RALY: variants seen among roughly 807,000 people sequenced by gnomAD.
The protein encoded by RALY is RALY heterogeneous nuclear ribonucleoprotein.
In RALY, 15 loss-of-function variants were observed where a neutral mutation model predicts 30.7. The ratio of observed to expected loss-of-function variants is 0.49; its 90% CI spans 0.33 to 0.75. The LOEUF (loss-of-function observed/expected upper bound fraction) is 0.75. RALY is among the 30% of genes least tolerant of loss of function. The pLI is 0.02. For synonymous variants in RALY, 177 were observed against 170.8 expected, an observed-to-expected ratio of 1.04 and a Z score of -0.28; for missense variants, 339 against 414.3, an observed-to-expected ratio of 0.82 and a Z score of 1.58.
intron 2 of RALY, among the ~76,000 whole-genome samples, chr20:34,061,432 T>C (rs1347660840): frequency 6.6e-6 from 1 of 152,260 alleles, no homozygotes; most frequent in African/African-American, 2.4e-5. Flanking sequence ...CTTCATGTTT[T>C]CTTTGCTTTG....
chr20:34,023,797 C>T (rs1280983642), intron 1 of RALY, among the ~76,000 whole-genome samples: 1 of 152,002 alleles, frequency 6.6e-6, no homozygotes, highest in Non-Finnish European at 1.5e-5. Flanking sequence ...GGCCACCTCT[C>T]ACCTCACTCA....
intron 2 of RALY, among the ~76,000 whole-genome samples, chr20:34,064,646 C>G (rs570639938): frequency 6.6e-6 from 1 of 152,306 alleles, no homozygotes; most frequent in African/African-American, 2.4e-5. Context: ...CTCCCTTACT[C>G]TCAGGCAAAG....
chr20:33,997,012 C>A (rs968717886), intron 1 of RALY, among the ~76,000 whole-genome samples: 1 of 152,194 alleles, frequency 6.6e-6, no homozygotes, highest in Non-Finnish European at 1.5e-5. Flanking sequence ...GAACCCAGGC[C>A]TCTCTGAGTA....
chr20:34,030,363 A>G (rs2032222930), intron 1 of RALY, among the ~76,000 whole-genome samples: 1 of 152,218 alleles, frequency 6.6e-6, no homozygotes, highest in Admixed American at 6.5e-5. Flanking sequence ...AATACAAATA[A>G]AAGGTTTACA....
chr20:34,013,846 A>G (rs978220498), intron 1 of RALY, among the ~76,000 whole-genome samples: 7 of 152,188 alleles, frequency 4.6e-5, no homozygotes, highest in Non-Finnish European at 4.4e-5. Flanking sequence ...TACTTACAAA[A>G]TGAATGATGG....
intron 1 of RALY, among the ~76,000 whole-genome samples, chr20:34,030,203 C>T (rs1448276588): frequency 6.6e-6 from 1 of 152,190 alleles, no homozygotes; most frequent in Non-Finnish European, 1.5e-5. Context: ...AGGGCAAGCC[C>T]TGGAGTTGGA....
chr20:34,053,644 G>C (rs750849659), intron 2 of RALY, among the ~76,000 whole-genome samples: 1 of 152,046 alleles, frequency 6.6e-6, no homozygotes, highest in Non-Finnish European at 1.5e-5. Context: ...CAGTCCTCCT[G>C]CTTTGGCCTC....
chr20:34,019,391 G>A (rs1040611369), intron 1 of RALY, among the ~76,000 whole-genome samples: 2 of 152,052 alleles, frequency 1.3e-5, no homozygotes, highest in Non-Finnish European at 2.9e-5. Context: ...CTCAGCACAG[G>A]TGAGAGCAAC....
chr20:34,060,279 A>T (rs1262282640), intron 2 of RALY, among the ~76,000 whole-genome samples: 1 of 152,242 alleles, frequency 6.6e-6, no homozygotes, highest in African/African-American at 2.4e-5. Context: ...GTAAGTTGAA[A>T]ATCCAAAATT....
chr20:34,020,048 A>G (rs4911143), intron 1 of RALY, among the ~76,000 whole-genome samples: 112,064 of 151,350 alleles, frequency 0.74, 41,929 homozygotes, highest in South Asian at 0.85. Flanking sequence ...GCAACAGAGC[A>G]AGACTCTGTC....
At chr20:34,056,002 G>C (rs1285704726) in intron 2 of RALY, among the ~76,000 whole-genome samples, 1 of 152,180 alleles carries the variant, frequency 6.6e-6, no homozygotes, top group Non-Finnish European at 1.5e-5. Flanking sequence ...TGGTGGTTCA[G>C]ATGCTCAGAA....
intron 2 of RALY, among the ~76,000 whole-genome samples, chr20:34,066,985 C>A (rs1276157392): frequency 2.0e-5 from 3 of 152,176 alleles, no homozygotes; most frequent in African/African-American, 7.2e-5. Context: ...AAGTCAGAAC[C>A]CAAGGCATCC....
chr20:34,070,957 G>A lies in RALY; in HGVS notation c.-9-1109G>A, dbSNP rs745466673. On this transcript the variant is annotated intron_variant, in intron 2 of 9. Transcript: ENST00000246194. The stretch of plus-strand genomic sequence containing the variant: ...CAGGAAATTTACAATCATAGTGGAA[G>A]GCGACGGGGAAGTAGACACGTCTTC... Among the ~76,000 whole-genome samples, 29 of 152,268 alleles carry A rather than the reference G, an allele frequency of 1.9e-4. No homozygotes were observed. In the South Asian group the frequency reaches 2.1e-3, roughly 11 times the overall value.
intron 2 of RALY, among the ~76,000 whole-genome samples, chr20:34,053,233 C>T (rs1303192962): frequency 6.6e-6 from 1 of 151,734 alleles, no homozygotes; most frequent in Non-Finnish European, 1.5e-5. Context: ...AACACAATCC[C>T]GTGACATAGA....
At chr20:34,076,136 C>G in intron 6 of RALY, 96 bp downstream of exon 6, 1 of 1,393,560 alleles carries the variant, frequency 7.2e-7, no homozygotes, top group Non-Finnish European at 9.8e-7. Context: ...GATAAAACAA[C>G]AAGTCTTCCA....
At chr20:34,021,341 T>G (rs1448025226) in intron 1 of RALY, among the ~76,000 whole-genome samples, 1 of 152,202 alleles carries the variant, frequency 6.6e-6, no homozygotes, top group African/African-American at 2.4e-5. Flanking sequence ...AATAGAAGTT[T>G]GTTTGGCTCA....
At chr20:34,063,912 C>A (rs1672990626) in intron 2 of RALY, among the ~76,000 whole-genome samples, 1 of 152,038 alleles carries the variant, frequency 6.6e-6, no homozygotes, top group African/African-American at 2.4e-5. Flanking sequence ...AGTAGACCAT[C>A]TCAGGGCACG....
chr20:34,077,414 C>T (rs2033924179), intron 8 of RALY, 169 bp downstream of exon 8: 2 of 1,444,362 alleles, frequency 1.4e-6, no homozygotes, highest in South Asian at 2.7e-5. Flanking sequence ...GCAGGGGGCA[C>T]TTGCCTATCT....
At chr20:34,059,206 G>T (rs1183743813) in intron 2 of RALY, among the ~76,000 whole-genome samples, 2 of 152,162 alleles carry the variant, frequency 1.3e-5, no homozygotes, top group African/African-American at 4.8e-5. Flanking sequence ...CAAGCCTTTG[G>T]GGCTGTGAGG....
Sources: gnomAD v4.1 joint callset for allele counts (sites outside exome capture counted in the v4.1 genomes callset) on GRCh38, gnomAD v4.1.1 for gene constraint, MANE v1.5 for transcripts, NCBI Gene and HGNC (gene_info 2026-07-23, HGNC 2026-07-21) for gene names.